Variants in TUBB4A observed in about 807,000 individuals in gnomAD.
TUBB4A encodes the protein tubulin beta-4A chain.
In TUBB4A, 13 loss-of-function variants were observed where a neutral mutation model predicts 35.1. That is an observed-to-expected ratio of 0.37 (90% CI 0.24 to 0.59). The LOEUF is 0.59. Among genes scored for constraint, TUBB4A ranks in the 20% least tolerant of loss-of-function variants. TUBB4A has a pLI of 0.71. For missense variants in TUBB4A, 299 were observed against 647.2 expected, an observed-to-expected ratio of 0.46 and a Z score of 5.84; for synonymous variants, 279 against 272.4, an observed-to-expected ratio of 1.02 and a Z score of -0.24.
chr19:6,497,912 A>AG (rs1333640554), intron 3 of TUBB4A, among the ~76,000 whole-genome samples: 7 of 141,254 alleles, frequency 5.0e-5, no homozygotes. Context: ...AAAAAAAAAA[A>AG]AAAAAAAGAA....
chr19:6,500,458 G>A (rs1490868199), intron 3 of TUBB4A, among the ~76,000 whole-genome samples: 1 of 152,164 alleles, frequency 6.6e-6, no homozygotes, highest in Non-Finnish European at 1.5e-5. Flanking sequence ...AAGACGAGGA[G>A]GCCGGGCAAG....
intron 1 of TUBB4A, 117 bp downstream of exon 1, chr19:6,502,039 C>T (rs1437002126): frequency 2.6e-6 from 3 of 1,172,380 alleles, no homozygotes; most frequent in African/African-American, 3.2e-5. Context: ...GGCGCGCTGG[C>T]CTCCTGGGGA....
At chr19:6,502,785 G>C (rs1914603291), upstream of TUBB4A, 1 of 152,430 alleles carries the variant, frequency 6.6e-6, no homozygotes, top group African/African-American at 2.4e-5. Context: ...GCTCCGGAGC[G>C]GCGATCTGGT....
intron 3 of TUBB4A, among the ~76,000 whole-genome samples, chr19:6,498,379 C>A (rs1468228919): frequency 6.6e-6 from 1 of 152,162 alleles, no homozygotes; most frequent in Non-Finnish European, 1.5e-5. Context: ...ACCCTTATCA[C>A]CCAGTCTGTC....
In TUBB4A at chr19:6,495,188, C is replaced by T. The variant is rs369467354; in HGVS notation, c.1311G>A (p.Glu437=). 335 of 1,613,852 alleles carry T rather than the reference C, an allele frequency of 2.1e-4. 1 individual carries two copies. Among genetic ancestry groups the T allele is most frequent in the Non-Finnish European group, 2.8e-4 (329 of 1,179,896 alleles). The change falls in exon 4 of 4, where the codon GAG becomes GAA. Residue 437 remains glutamate, a synonymous_variant. Coordinates refer to ENST00000264071, the MANE Select transcript of TUBB4A (RefSeq NM_006087.4). The surrounding 1 kb of genome is among the most constrained non-coding windows in gnomAD (Gnocchi z 8.7). Reference sequence around the variant, plus strand: ...CCTAGGCCACCTCCTCCTCCGCCTCCTCCTCGAACTCGCCCTCCTCGGCCG... The same window carrying T: ...CCTAGGCCACCTCCTCCTCCGCCTCTTCCTCGAACTCGCCCTCCTCGGCCG... ...DATAEEGEFE[E]EAEEEVA
Position 6,501,726 on chromosome 19 carries a change from C to T in TUBB4A, c.58-103G>A. 1.1e-6 allele frequency: 1 copy of T among 917,146 alleles called. No individual in the cohort carries two copies. Among genetic ancestry groups the T allele is most frequent in the Non-Finnish European group, 1.7e-6 (1 of 585,766 alleles). 56.8% of individuals were successfully genotyped at this position (917,146 alleles called of 1,614,324 possible). A position where few individuals can be genotyped will look rare whatever the true frequency, so the allele number is the denominator to read the frequency against. ...TAGCTCCCTAGCTGCCACCTCTCCC[C>T]CAGCAAGGTGAACGGGGGACCTAGA... On this transcript the variant is annotated intron_variant, in intron 1 of 3. Coordinates refer to ENST00000264071, the MANE Select transcript of TUBB4A (RefSeq NM_006087.4). The surrounding 1 kb of genome is among the most constrained non-coding windows in gnomAD (Gnocchi z 4.2).
intron 3 of TUBB4A, among the ~76,000 whole-genome samples, chr19:6,496,993 A>C (rs1218822727): frequency 3.7e-5 from 1 of 27,210 alleles, no homozygotes; most frequent in Non-Finnish European, 6.5e-5. Context: ...CCATGTCTCT[A>C]CAAAAAAAAA....
At chr19:6,496,310 T>G in intron 3 of TUBB4A, 89 bp from the exon 4 acceptor site, 2 of 1,252,900 alleles carry the variant, frequency 1.6e-6, no homozygotes, top group Non-Finnish European at 2.2e-6. Context: ...GGGCCTCTAG[T>G]AGTTGAATAC....
intron 3 of TUBB4A, among the ~76,000 whole-genome samples, chr19:6,497,473 C>A (rs1377178409): frequency 2.6e-5 from 4 of 151,516 alleles, no homozygotes; most frequent in Non-Finnish European, 5.9e-5. Flanking sequence ...GACATGTTGC[C>A]CAGGCTGTTC....
Position 6,495,241 on chromosome 19 carries a change from A to C in TUBB4A, c.1258T>G (p.Ser420Ala). ...GCGTCCTGGTACTGCTGGTACTCAG[A>C]TACCAGGTCATTCATGTTGCTCTCG... ...EAESNMNDLVSEYQQYQDATA... is the reference protein window; with the variant it reads ...EAESNMNDLVAEYQQYQDATA... The change falls in exon 4 of 4, where the codon TCT (serine) becomes GCT (alanine). Residue 420 changes from serine to alanine, a missense_variant. By Grantham distance (99) the Ser-to-Ala change is moderately conservative. Around this residue, in one of 5 missense-constraint regions of TUBB4A, gnomAD observed 125 missense variants for 279.1 expected, o/e 0.45. Coordinates refer to ENST00000264071, the MANE Select transcript of TUBB4A (RefSeq NM_006087.4). This position sits in a 1 kb window ranked among gnomAD's most constrained non-coding sequence, Gnocchi z 8.7. 4.3e-6 allele frequency: 7 copies of C among 1,613,826 alleles called. No individual in the cohort carries two copies. The highest frequency in any genetic ancestry group is 1.3e-5 in the African/African-American group (1 of 74,966).
At chr19:6,497,699 C>T (rs998935839) in intron 3 of TUBB4A, among the ~76,000 whole-genome samples, 4 of 151,670 alleles carry the variant, frequency 2.6e-5, no homozygotes, top group African/African-American at 4.8e-5. Context: ...TTAGGGAGGC[C>T]GAGGCGGGCA....
chr19:6,497,814 T>C (rs1406338168), intron 3 of TUBB4A, among the ~76,000 whole-genome samples: 1 of 136,746 alleles, frequency 7.3e-6, no homozygotes. Flanking sequence ...GCGCCTGTAG[T>C]CCCAGCTACT....
At chr19:6,496,299 A>C in intron 3 of TUBB4A, 78 bp from the exon 4 acceptor site, 1 of 1,387,744 alleles carries the variant, frequency 7.2e-7, no homozygotes, top group African/African-American at 1.4e-5. Flanking sequence ...CACCACCTGG[A>C]GGGCCTCTAG....
rs1914532620 is a variant in TUBB4A, at chr19:6,501,511, C to G, written c.166+4G>C. ...CCACCTGGAAGGTGCCTCCTTCGCC[C>G]TACCTGTGGCCTCGTTGTAGTACAC... On this transcript the variant is annotated splice_donor_region_variant and intron_variant, in intron 2 of 3. Coordinates refer to ENST00000264071, the MANE Select transcript of TUBB4A (RefSeq NM_006087.4). The surrounding 1 kb of genome is among the most constrained non-coding windows in gnomAD (Gnocchi z 4.2). 6.2e-7 allele frequency: 1 copy of G among 1,613,326 alleles called. No individual in the cohort carries two copies.
At position 6,495,946 on chromosome 19, in the gene TUBB4A, C is replaced by T. The variant is rs1914148512; in HGVS notation, c.553G>A (p.Ala185Thr). 1 of 1,614,168 alleles carries T rather than the reference C, an allele frequency of 6.2e-7. No homozygotes were observed. The highest frequency in any genetic ancestry group is 8.5e-7 in the Non-Finnish European group (1 of 1,180,034). Residue 185 changes from alanine to threonine, a missense_variant, in exon 4 of 4, where the codon GCC (alanine) becomes ACC (threonine). By Grantham distance (58) the Ala-to-Thr change is moderately conservative. Coordinates refer to ENST00000264071, the MANE Select transcript of TUBB4A (RefSeq NM_006087.4). The surrounding 1 kb of genome is among the most constrained non-coding windows in gnomAD (Gnocchi z 8.7). ...VSDTVVEPYNATLSVHQLVEN... is the reference protein window; with the variant it reads ...VSDTVVEPYNTTLSVHQLVEN... ...ACCAGCTGGTGCACAGACAGCGTGGCGTTGTAGGGCTCCACCACCGTGTCT... is the reference window on the plus strand; with the variant it reads ...ACCAGCTGGTGCACAGACAGCGTGGTGTTGTAGGGCTCCACCACCGTGTCT...
At chr19:6,496,731 G>A (rs925176907) in intron 3 of TUBB4A, among the ~76,000 whole-genome samples, 5 of 150,128 alleles carry the variant, frequency 3.3e-5, no homozygotes, top group African/African-American at 1.2e-4. Context: ...TGAGGCAAGA[G>A]AATTGCTTGA....
intron 3 of TUBB4A, among the ~76,000 whole-genome samples, chr19:6,497,026 T>A (rs1478206846): frequency 0.038 from 445 of 11,850 alleles, 32 homozygotes; most frequent in South Asian, 0.043. Context: ...AAAAAAAAAA[T>A]ATATATATAT....
At chr19:6,502,012 T>TC in intron 1 of TUBB4A, 144 bp downstream of exon 1, 1 of 874,344 alleles carries the variant, frequency 1.1e-6, no homozygotes, top group South Asian at 1.9e-5. Flanking sequence ...CCGCGACCCT[T>TC]CCCCCAAGGC....
rs1464609732 is a variant in TUBB4A at position 6,501,115 on chromosome 19, C to A, written c.277+172G>T. The A allele has an allele frequency of 1.7e-6, 1 of 586,326 alleles. No individual in the cohort carries two copies. The highest frequency in any genetic ancestry group is 2.8e-5 in the East Asian group (1 of 35,276). 36.3% of individuals were successfully genotyped at this position (586,326 alleles called of 1,614,324 possible). ...TTCTCTGTATCCGCCCTCCTCAGGG[C>A]TCTCACAGTGGCCTGAGCATCCCCT... On this transcript the variant is annotated intron_variant, in intron 3 of 3. Coordinates refer to ENST00000264071, the MANE Select transcript of TUBB4A (RefSeq NM_006087.4). This position sits in a 1 kb window ranked among gnomAD's most constrained non-coding sequence, Gnocchi z 4.2.
Sources: gnomAD v4.1 joint callset for allele counts (sites outside exome capture counted in the v4.1 genomes callset) on GRCh38, gnomAD v4.1.1 for gene constraint, gnomAD v4.1.1 regional missense constraint, Gnocchi (gnomAD v3.1) non-coding constraint, MANE v1.5 for transcripts, NCBI Gene and HGNC (gene_info 2026-07-23, HGNC 2026-07-21) for gene names.